Variants in USP24 observed in about 807,000 individuals in gnomAD.
USP24 encodes ubiquitin specific peptidase 24.
A neutral mutation model predicts 361.6 loss-of-function variants in USP24; 97 were observed. That is an observed-to-expected ratio of 0.27 (90% confidence interval 0.23 to 0.32). The LOEUF (loss-of-function observed/expected upper bound fraction) is 0.32. USP24 is among the 10% of genes least tolerant of loss of function. The pLI is 1.00. For synonymous variants in USP24, 1,098 were observed against 1,124.6 expected, an observed-to-expected ratio of 0.98 and a Z score of 0.47; for missense variants, 2,353 against 3,165.6, an observed-to-expected ratio of 0.74 and a Z score of 6.16.
At chr1:55,083,990 G>T in intron 56 of USP24, 102 bp from the exon 57 acceptor site, 1 of 902,736 alleles carries the variant, frequency 1.1e-6, no homozygotes, top group Non-Finnish European at 1.7e-6. Context: ...CAAAAGGAAA[G>T]TCTGATACAA....
intron 63 of USP24, 55 bp from the exon 64 acceptor site, chr1:55,073,961 C>T (rs1272467750): frequency 7.1e-7 from 1 of 1,410,990 alleles, no homozygotes; most frequent in Non-Finnish European, 9.7e-7. Flanking sequence ...GAAAATGGCT[C>T]CAAGTGACAA....
chr1:55,164,932 G>C (rs576896315), intron 7 of USP24, among the ~76,000 whole-genome samples: 1 of 152,096 alleles, frequency 6.6e-6, no homozygotes, highest in East Asian at 1.9e-4. Flanking sequence ...GGATCACAAG[G>C]ACAGTTCAAC....
intron 1 of USP24, among the ~76,000 whole-genome samples, chr1:55,184,863 G>A (rs969592498): frequency 2.0e-5 from 3 of 152,168 alleles, no homozygotes; most frequent in Non-Finnish European, 4.4e-5. Flanking sequence ...AGGTAAGAAC[G>A]CGCTTTGAGA....
chr1:55,185,629 T>C (rs1189688752), intron 1 of USP24, among the ~76,000 whole-genome samples: 1 of 152,118 alleles, frequency 6.6e-6, no homozygotes, highest in Non-Finnish European at 1.5e-5. Flanking sequence ...GGCACAATCA[T>C]GGCTGACTGC....
At chr1:55,185,290 C>T (rs1468791423) in intron 1 of USP24, among the ~76,000 whole-genome samples, 2 of 151,490 alleles carry the variant, frequency 1.3e-5, no homozygotes, top group Admixed American at 1.3e-4. Flanking sequence ...GCCTATATTA[C>T]AAAGGAAGAA....
At chr1:55,070,942 G>A (rs1202448988) in intron 67 of USP24, among the ~76,000 whole-genome samples, 1 of 152,196 alleles carries the variant, frequency 6.6e-6, no homozygotes, top group Non-Finnish European at 1.5e-5. Context: ...GGAATTAGTG[G>A]CCGCAGGAGC....
intron 32 of USP24, among the ~76,000 whole-genome samples, chr1:55,127,876 G>A (rs980159228): frequency 6.6e-6 from 1 of 152,060 alleles, no homozygotes; most frequent in Non-Finnish European, 1.5e-5. Flanking sequence ...TCATCTGAAA[G>A]GAGAGATCTC....
intron 1 of USP24, among the ~76,000 whole-genome samples, chr1:55,192,830 G>C (rs1644324846): frequency 6.6e-6 from 1 of 152,216 alleles, no homozygotes; most frequent in Non-Finnish European, 1.5e-5. Flanking sequence ...TGTGTCTGAA[G>C]TCTGCAAATG....
rs775965464 is a variant in USP24 at position 55,075,510 on chromosome 1, G to A, written c.7394C>T (p.Pro2465Leu). ...LLHEILVIED[P>L]IQVERVKFVF... ...AAATTTGACTCGCTCTACTTGTATA[G>A]GATCTTCAATAACCTGGGAAAGGAA... Residue 2465 changes from proline to leucine, a missense_variant, in exon 63 of 68, where the codon CCT becomes CTT. Pro to Leu is a moderately conservative substitution (Grantham distance 98, BLOSUM62 -3). Coordinates refer to ENST00000294383, the MANE Select transcript of USP24 (RefSeq NM_015306.3). The A allele has an allele frequency of 5.0e-6, 8 of 1,599,666 alleles. No individual in the cohort carries two copies. In the East Asian group the frequency reaches 1.8e-4, roughly 36 times the overall value.
At chr1:55,113,401 A>G (rs9803829) in intron 38 of USP24, among the ~76,000 whole-genome samples, 6,372 of 152,288 alleles carry the variant, frequency 0.042, 348 homozygotes, top group African/African-American at 0.13. Context: ...TAGCCTACCA[A>G]CCAAAAAAGG....
intron 61 of USP24, among the ~76,000 whole-genome samples, chr1:55,077,788 T>C (rs1645060853): frequency 1.3e-5 from 2 of 152,224 alleles, no homozygotes; most frequent in Non-Finnish European, 2.9e-5. Context: ...ATAAAATTTA[T>C]ATGTATAAAA....
intron 26 of USP24, 33 bp downstream of exon 26, chr1:55,138,575 T>C: frequency 6.8e-7 from 1 of 1,460,730 alleles, no homozygotes; most frequent in Non-Finnish European, 9.5e-7. Flanking sequence ...TAAGACAACA[T>C]GAAAATGGCT....
At position 55,134,380 on chromosome 1, in the gene USP24, C is replaced by G; in HGVS notation, c.3235G>C (p.Val1079Leu). The change falls in exon 29 of 68, where the codon GTA becomes CTA. Residue 1079 changes from valine (V) to leucine (L), a missense_variant. By Grantham distance (32) the Val-to-Leu change is conservative. Transcript: ENST00000294383. ...TAAAGCATGTCAAATACGTTACATA[C>G]GAGAGCCATCACTACACCAGGGAGG... ...KSLPGVVMALVCNVFDMLYQL... is the reference protein window; with the variant it reads ...KSLPGVVMALLCNVFDMLYQL... 1 of 1,612,652 alleles carries G rather than the reference C, an allele frequency of 6.2e-7. No individual in the cohort carries two copies.
chr1:55,111,343 G>A (rs17111639), intron 38 of USP24, among the ~76,000 whole-genome samples: 5,887 of 152,006 alleles, frequency 0.039, 362 homozygotes, highest in African/African-American at 0.13. Flanking sequence ...TAAAACTCTC[G>A]TCTAATGCTT....
At chr1:55,073,013 T>C (rs1304603028) in intron 64 of USP24, 152 bp from the exon 65 acceptor site, 10 of 704,300 alleles carry the variant, frequency 1.4e-5, no homozygotes, top group South Asian at 4.4e-5. Flanking sequence ...GTCAAATTCA[T>C]GGAGACAGAA....
At position 55,105,083 on chromosome 1, in the gene USP24, A is replaced by AT. The variant is rs1645734714; in HGVS notation, c.4880+1062dup. ...TTTTTTAATCAAGGCACTGTATATG[A>AT]TTTTTACAAAAACACTCCTTCCTTC... On this transcript the variant is annotated intron_variant, in intron 41 of 67. Transcript: ENST00000294383. Among the ~76,000 whole-genome samples the AT allele has an allele frequency of 3.3e-5, 5 of 152,304 alleles. No individual in the cohort carries two copies. The South Asian group carries it at 1.0e-3, about 32-fold the overall frequency.
intron 63 of USP24, 122 bp from the exon 64 acceptor site, chr1:55,074,028 C>A: frequency 3.5e-6 from 2 of 576,390 alleles, no homozygotes; most frequent in Non-Finnish European, 5.6e-6. Flanking sequence ...TAAGGAACAA[C>A]TTAACTAAAA....
Position 55,083,824 on chromosome 1 carries a change from T to C in USP24, c.6830A>G (p.Asn2277Ser), listed in dbSNP as rs1258506092. ...AAAGTACTGAGCACAGTTTTTACAA[T>C]TTTCTGGGACGTCTTTGTCCAACAG... ...LALLDKDVPE[N>S]CKNCAQYFFL... is the part of the protein sequence containing the mutation. Residue 2277 changes from asparagine to serine, a missense_variant, in exon 57 of 68, where the codon AAT becomes AGT. Transcript: ENST00000294383. 2 of 1,605,908 alleles carry C rather than the reference T, an allele frequency of 1.2e-6. No individual in the cohort carries two copies. Among genetic ancestry groups the C allele is most frequent in the Non-Finnish European group, 8.5e-7 (1 of 1,175,922 alleles).
chr1:55,134,478 C>T, intron 28 of USP24, 65 bp from the exon 29 acceptor site: 1 of 1,395,930 alleles, frequency 7.2e-7, no homozygotes, highest in Non-Finnish European at 1.0e-6. Context: ...CCTAATCAAA[C>T]TTACAAACAA....
Sources: gnomAD v4.1 joint callset for allele counts (sites outside exome capture counted in the v4.1 genomes callset) on GRCh38, gnomAD v4.1.1 for gene constraint, MANE v1.5 for transcripts, NCBI Gene and HGNC (gene_info 2026-07-23, HGNC 2026-07-21) for gene names.